LRRC49: variants seen among roughly 807,000 people sequenced by gnomAD.
LRRC49 encodes leucine rich repeat containing 49, also known as leucine-rich repeat-containing protein 49.
A neutral mutation model predicts 83.3 loss-of-function variants in LRRC49; 50 were observed. The ratio of observed to expected loss-of-function variants is 0.60; its 90% CI spans 0.48 to 0.76. LRRC49 has a LOEUF of 0.76. Among genes scored for constraint, LRRC49 ranks in the 30% least tolerant of loss-of-function variants. The probability of loss-of-function intolerance (pLI) is 0.00; values close to 1 mark genes in which losing one functional copy is unlikely to be tolerated. For synonymous variants in LRRC49, 286 were observed against 283.3 expected (o/e 1.01, Z -0.10); for missense variants, 704 against 809.1 (o/e 0.87, Z 1.58).
chr15:71,049,955 C>G lies in LRRC49; in HGVS notation c.*343C>G, dbSNP rs771333562. On this transcript the variant is annotated 3_prime_UTR_variant, in exon 16 of 16. Transcript: ENST00000260382. The stretch of plus-strand genomic sequence containing the variant: ...GCTGATGATTCAGCATGAGCTGCAT[C>G]TACCTACTTTTAGCTGATAATTTTC... 4.3e-5 allele frequency: 8 copies of G among 185,734 alleles called. No homozygotes were observed. The highest frequency in any genetic ancestry group is 8.8e-5 in the Non-Finnish European group (8 of 90,994). The allele number at this position is 185,734 out of a possible 1,614,324, so 11.5% of individuals were successfully genotyped here. A position where few individuals can be genotyped will look rare whatever the true frequency, so the allele number is the denominator to read the frequency against.
At chr15:71,049,284 G>A (rs1255425717) in intron 15 of LRRC49, 125 bp from the exon 16 acceptor site, 1 of 639,716 alleles carries the variant, frequency 1.6e-6, no homozygotes, top group African/African-American at 1.8e-5. Flanking sequence ...CTGCTCTGAG[G>A]AGTAGATGGG....
Position 71,031,844 on chromosome 15 carries a change from C to G in LRRC49, c.1704-5335C>G, listed in dbSNP as rs148174541. ...TCAGTAATGGTGGACACCCCTCCCC[C>G]CACCAAGCTCGATCATCCCGGGTCA... On this transcript the variant is annotated intron_variant, in intron 14 of 15. Coordinates refer to ENST00000260382, the MANE Select transcript of LRRC49 (RefSeq NM_017691.5). Among the ~76,000 whole-genome samples the G allele has an allele frequency of 8.1e-4, 123 of 152,288 alleles. 1 individual carries two copies. In the South Asian group the frequency reaches 0.024, roughly 29 times the overall value.
chr15:70,930,372 T>C (rs1030221889), intron 7 of LRRC49, among the ~76,000 whole-genome samples: 1 of 152,158 alleles, frequency 6.6e-6, no homozygotes, highest in Non-Finnish European at 1.5e-5. Flanking sequence ...GCTTAAAATA[T>C]TCAGTAAACC....
At chr15:71,008,282 G>A (rs1374370696) in intron 11 of LRRC49, 97 bp from the exon 12 acceptor site, 3 of 681,892 alleles carry the variant, frequency 4.4e-6, no homozygotes, top group Non-Finnish European at 7.6e-6. Context: ...AATGAAAAAA[G>A]AATATAAAAT....
At chr15:70,997,397 T>G (rs112388130) in intron 11 of LRRC49, among the ~76,000 whole-genome samples, 22 of 152,284 alleles carry the variant, frequency 1.4e-4, no homozygotes, top group African/African-American at 5.1e-4. Flanking sequence ...TTTCTATTCT[T>G]TCCATTTCAT....
intron 11 of LRRC49, among the ~76,000 whole-genome samples, chr15:70,988,968 A>C (rs2037749134): frequency 6.6e-6 from 1 of 151,824 alleles, no homozygotes; most frequent in African/African-American, 2.4e-5. Context: ...ATTGACCCCC[A>C]CTCTCTTCTG....
At chr15:70,994,053 G>T (rs543598101) in intron 11 of LRRC49, among the ~76,000 whole-genome samples, 25 of 152,120 alleles carry the variant, frequency 1.6e-4, no homozygotes, top group African/African-American at 6.0e-4. Flanking sequence ...CACCATGTTG[G>T]CCAGGCTGGT....
At chr15:70,959,190 T>C (rs1223174892) in intron 8 of LRRC49, among the ~76,000 whole-genome samples, 1 of 152,170 alleles carries the variant, frequency 6.6e-6, no homozygotes, top group Non-Finnish European at 1.5e-5. Context: ...AGTGATTATT[T>C]CTTTAAAAAA....
intron 8 of LRRC49, among the ~76,000 whole-genome samples, chr15:70,961,005 T>A (rs1256970454): frequency 1.3e-5 from 2 of 152,172 alleles, no homozygotes; most frequent in Non-Finnish European, 2.9e-5. Flanking sequence ...AGCCACAGAC[T>A]GAGATAAATA....
chr15:70,900,911 AT>A lies in LRRC49; in HGVS notation c.194-6del. 1 of 1,505,294 alleles carries A rather than the reference AT, an allele frequency of 6.6e-7. No homozygotes were observed. The highest frequency in any genetic ancestry group is 9.2e-7 in the Non-Finnish European group (1 of 1,091,758). 93.2% of individuals were successfully genotyped at this position (1,505,294 alleles called of 1,614,324 possible). A position where few individuals can be genotyped will look rare whatever the true frequency, so the allele number is the denominator to read the frequency against. ...TTCTTAATTAAGTAATTTGTATATC[AT>A]TTTTAATAGGTGATCATATTAATTT... is the stretch of plus-strand genomic sequence containing the variant. On this transcript the variant is annotated splice_polypyrimidine_tract_variant and intron_variant, in intron 3 of 15. Coordinates refer to ENST00000260382, the MANE Select transcript of LRRC49 (RefSeq NM_017691.5).
At chr15:71,048,696 C>T (rs939551652) in intron 15 of LRRC49, 2 of 429,374 alleles carry the variant, frequency 4.7e-6, no homozygotes, top group Non-Finnish European at 9.2e-6. Flanking sequence ...TTGTTTTAGT[C>T]TCTGTGATGA....
At chr15:70,887,616 T>G (rs2141089128), upstream of LRRC49, among the ~76,000 whole-genome samples, 1 of 152,234 alleles carries the variant, frequency 6.6e-6, no homozygotes, top group African/African-American at 2.4e-5. Context: ...CAAAGAGAGC[T>G]ATAAAAAACT....
chr15:70,994,971 T>C (rs992669656), intron 11 of LRRC49, among the ~76,000 whole-genome samples: 1 of 152,230 alleles, frequency 6.6e-6, no homozygotes, highest in African/African-American at 2.4e-5. Context: ...AGGAAAATTC[T>C]GAGGAACTAA....
chr15:70,914,946 G>A (rs2034702586), intron 6 of LRRC49, among the ~76,000 whole-genome samples: 2 of 152,174 alleles, frequency 1.3e-5, no homozygotes, highest in Admixed American at 6.5e-5. Flanking sequence ...AGCTTTCCTA[G>A]ATGTATTAAG....
At chr15:70,878,606 G>A (rs2033200701) in intron 2 of LRRC49, among the ~76,000 whole-genome samples, 1 of 152,224 alleles carries the variant, frequency 6.6e-6, no homozygotes. Context: ...CTGCTATTAG[G>A]TGAAGAAAGT....
intron 8 of LRRC49, among the ~76,000 whole-genome samples, chr15:70,942,813 G>A (rs762512315): frequency 8.5e-5 from 13 of 152,102 alleles, no homozygotes; most frequent in Non-Finnish European, 1.5e-5. Flanking sequence ...TCGAAGTGGG[G>A]GGAGAAAAAC....
Position 70,964,091 on chromosome 15 carries a change from T to G in LRRC49, c.921+159T>G, listed in dbSNP as rs1370326222. On this transcript the variant is annotated intron_variant, in intron 9 of 15. Coordinates refer to ENST00000260382, the MANE Select transcript of LRRC49 (RefSeq NM_017691.5). ...TTGCAATTATGTAGTTTTTACTGCCTGATCCCATCCCAAGTTTAATTGAGC... is the reference window on the plus strand; with the variant it reads ...TTGCAATTATGTAGTTTTTACTGCCGGATCCCATCCCAAGTTTAATTGAGC... Among the ~76,000 whole-genome samples, 8 of 152,276 alleles carry G rather than the reference T, an allele frequency of 5.3e-5. No homozygotes were observed. The South Asian group carries it at 1.7e-3, about 32-fold the overall frequency.
At chr15:70,961,834 A>T (rs2036610862) in intron 8 of LRRC49, among the ~76,000 whole-genome samples, 1 of 152,204 alleles carries the variant, frequency 6.6e-6, no homozygotes, top group Non-Finnish European at 1.5e-5. Flanking sequence ...TGGATACATG[A>T]CATTAAGCCT....
At chr15:70,859,222 G>T in intron 1 of LRRC49, 1 of 1,386,120 alleles carries the variant, frequency 7.2e-7, no homozygotes, top group Non-Finnish European at 1.0e-6. Flanking sequence ...ACATGCAGGG[G>T]CTGGTGGAGG....
Sources: allele counts gnomAD v4.1 joint callset (sites outside exome capture counted in the v4.1 genomes callset), GRCh38; gene constraint gnomAD v4.1.1; transcripts MANE v1.5; gene names NCBI Gene and HGNC (gene_info 2026-07-23, HGNC 2026-07-21).